CADM2: variants seen among roughly 807,000 people sequenced by gnomAD.
CADM2 encodes immunoglobulin superfamily member 4D.
Under a neutral mutation model 49.8 loss-of-function variants are expected in CADM2, and 12 were observed. The observed-to-expected ratio is 0.24, with a 90% CI of 0.15 to 0.39. The LOEUF is 0.39. Among genes scored for constraint, CADM2 ranks in the 10% least tolerant of loss-of-function variants. The pLI is 1.00. For synonymous variants in CADM2, 214 were observed against 175.4 expected, an observed-to-expected ratio of 1.22 and a Z score of -1.74; for missense variants, 378 against 492.3, an observed-to-expected ratio of 0.77 and a Z score of 2.20.
intron 1 of CADM2, among the ~76,000 whole-genome samples, chr3:85,303,553 C>G (rs2044149191): frequency 6.6e-6 from 1 of 151,900 alleles, no homozygotes; most frequent in Admixed American, 6.6e-5. Context: ...TGTGAAAAAT[C>G]TCTAAAATTT....
chr3:85,728,882 A>G (rs1222874932), intron 2 of CADM2, among the ~76,000 whole-genome samples: 1 of 152,206 alleles, frequency 6.6e-6, no homozygotes, highest in Non-Finnish European at 1.5e-5. Flanking sequence ...AACAGAGTTC[A>G]TTGAGAATCA....
chr3:84,959,397 A>C lies in CADM2; in HGVS notation c.-211A>C. The C allele has an allele frequency of 5.2e-6, 3 of 579,720 alleles. No individual in the cohort carries two copies. The highest frequency in any genetic ancestry group is 9.2e-6 in the Non-Finnish European group (3 of 325,968). The allele number at this position is 579,720 out of a possible 1,614,324, so 35.9% of individuals were successfully genotyped here. A position where few individuals can be genotyped will look rare whatever the true frequency, so the allele number is the denominator to read the frequency against. On this transcript the variant is annotated 5_prime_UTR_variant, in exon 1 of 10. Transcript: ENST00000383699. Reference sequence around the variant, plus strand: ...AGCAGGAGGAGGAGGAGAAGAAACTATTTCGCGATACCCCATTCTGCGGGT... The same window carrying C: ...AGCAGGAGGAGGAGGAGAAGAAACTCTTTCGCGATACCCCATTCTGCGGGT...
chr3:85,197,536 A>G (rs985010382), intron 1 of CADM2, among the ~76,000 whole-genome samples: 2 of 151,900 alleles, frequency 1.3e-5, no homozygotes, highest in African/African-American at 4.8e-5. Context: ...TGAAGAAGTT[A>G]GGTTGCTTTT....
At chr3:85,872,035 A>G (rs929509695) in intron 3 of CADM2, among the ~76,000 whole-genome samples, 4 of 152,160 alleles carry the variant, frequency 2.6e-5, no homozygotes, top group Non-Finnish European at 4.4e-5. Context: ...TTTCTTTCAT[A>G]CTGTCCCCAT....
intron 6 of CADM2, among the ~76,000 whole-genome samples, chr3:85,933,953 C>A (rs1577701260): frequency 6.6e-6 from 1 of 152,030 alleles, no homozygotes; most frequent in Non-Finnish European, 1.5e-5. Context: ...CTCAGTCTAC[C>A]AACTTTAATG....
chr3:85,711,472 A>T (rs914259416), intron 1 of CADM2, among the ~76,000 whole-genome samples: 3 of 152,200 alleles, frequency 2.0e-5, no homozygotes, highest in Non-Finnish European at 4.4e-5. Flanking sequence ...TAACTGTGAG[A>T]TTTACTAATA....
intron 1 of CADM2, among the ~76,000 whole-genome samples, chr3:85,148,655 G>C (rs2039825535): frequency 6.6e-6 from 1 of 152,080 alleles, no homozygotes; most frequent in African/African-American, 2.4e-5. Context: ...CTCACCCAAA[G>C]CTTAACTAGT....
chr3:85,310,063 T>G (rs977057152), intron 1 of CADM2, among the ~76,000 whole-genome samples: 2 of 152,214 alleles, frequency 1.3e-5, no homozygotes, highest in Admixed American at 6.5e-5. Context: ...TTAAAGTACT[T>G]TGTCCTTTTG....
At chr3:86,017,287 A>G (rs1009225332) in intron 8 of CADM2, among the ~76,000 whole-genome samples, 7 of 151,674 alleles carry the variant, frequency 4.6e-5, no homozygotes, top group Non-Finnish European at 1.0e-4. Context: ...CAAGAGTTCT[A>G]TGATTTGGTC....
At chr3:85,601,171 T>TACACAC (rs1213000087) in intron 1 of CADM2, among the ~76,000 whole-genome samples, 22 of 100,108 alleles carry the variant, frequency 2.2e-4, no homozygotes, top group East Asian at 1.3e-3. Flanking sequence ...TATATATATA[T>TACACAC]ATACACACAC....
At chr3:85,959,150 A>ATCTATCTCTC (rs141472491) in intron 7 of CADM2, among the ~76,000 whole-genome samples, 1 of 145,344 alleles carries the variant, frequency 6.9e-6, no homozygotes, top group Non-Finnish European at 1.5e-5. Context: ...TTATCTATCT[A>ATCTATCTCTC]TCTCTCTCTC....
At chr3:85,289,532 C>A (rs562509077) in intron 1 of CADM2, among the ~76,000 whole-genome samples, 1 of 152,250 alleles carries the variant, frequency 6.6e-6, no homozygotes, top group South Asian at 2.1e-4. Flanking sequence ...CAACATGAAC[C>A]TTCTTTAGTG....
intron 8 of CADM2, chr3:85,994,317 T>G (rs986843062): frequency 6.6e-6 from 1 of 152,236 alleles, no homozygotes; most frequent in African/African-American, 2.4e-5. Flanking sequence ...CCTTCATGTC[T>G]TTCAATCTTC....
chr3:85,187,414 A>T (rs980964855), intron 1 of CADM2, among the ~76,000 whole-genome samples: 16 of 152,228 alleles, frequency 1.1e-4, no homozygotes, highest in Admixed American at 8.5e-4. Context: ...AATAATATCA[A>T]CTCAGATACA....
Position 84,993,823 on chromosome 3 carries a change from G to A in CADM2, c.61+34155G>A, listed in dbSNP as rs559314018. On this transcript the variant is annotated intron_variant, in intron 1 of 9. Coordinates refer to ENST00000383699, the MANE Select transcript of CADM2 (RefSeq NM_001167675.2). ...CTATTGTCTCTAAATGGATCTCAGC[G>A]TGACAATAAATACTAATGTTGTAAT... 2.7e-5 allele frequency among the ~76,000 whole-genome samples: 4 copies of A among 150,218 alleles called. No individual in the cohort carries two copies. The South Asian group carries it at 8.5e-4, about 32-fold the overall frequency.
At chr3:85,781,373 T>A (rs954175695) in intron 2 of CADM2, among the ~76,000 whole-genome samples, 3 of 152,180 alleles carry the variant, frequency 2.0e-5, no homozygotes, top group Non-Finnish European at 4.4e-5. Flanking sequence ...TCTCTTTCCT[T>A]CCTTTAGGTT....
Position 85,935,820 on chromosome 3 carries a change from C to A in CADM2, c.754C>A (p.Pro252Thr). ...GACTCCTTTTCCACAAGAAGGACAG[C>A]CTTTAATTTTGACTTGTGAATCCAA... ...PSTPFPQEGQ[P>T]LILTCESKGK... The change falls in exon 7 of 10, where the codon CCT (proline) becomes ACT (threonine). Residue 252 changes from proline to threonine, a missense_variant. Transcript: ENST00000383699. The A allele has an allele frequency of 6.2e-7, 1 of 1,605,770 alleles. No homozygotes were observed. The highest frequency in any genetic ancestry group is 8.5e-7 in the Non-Finnish European group (1 of 1,174,078).
rs369295881 is a variant in CADM2, at chr3:85,743,200, C to A, written c.88+16652C>A. On this transcript the variant is annotated intron_variant, in intron 2 of 9. Coordinates refer to ENST00000383699, the MANE Select transcript of CADM2 (RefSeq NM_001167675.2). ...TTCAGCCTACTGTGCTTCTTCATCT[C>A]ATTTCTTGACTCTTTCTTGACTTAA... is the stretch of plus-strand genomic sequence containing the variant. 6.6e-4 allele frequency among the ~76,000 whole-genome samples: 100 copies of A among 152,196 alleles called. 1 individual carries two copies. Among genetic ancestry groups the A allele is most frequent in the African/African-American group, 2.2e-3 (90 of 41,532 alleles).
At chr3:86,045,710 G>T (rs993361436) in intron 8 of CADM2, among the ~76,000 whole-genome samples, 1 of 151,736 alleles carries the variant, frequency 6.6e-6, no homozygotes. Context: ...CTTTTATTTT[G>T]CATTTTCTCC....
Sources: allele counts gnomAD v4.1 joint callset (sites outside exome capture counted in the v4.1 genomes callset), GRCh38; gene constraint gnomAD v4.1.1; transcripts MANE v1.5; gene names NCBI Gene and HGNC (gene_info 2026-07-23, HGNC 2026-07-21).